Variants in CAMK2D observed in about 807,000 individuals in gnomAD.
The protein encoded by CAMK2D is calcium/calmodulin-dependent protein kinase type II subunit delta.
Under a neutral mutation model 84.0 loss-of-function variants are expected in CAMK2D, and 37 were observed. That is an observed-to-expected ratio of 0.44 (90% CI 0.34 to 0.58). The LOEUF is 0.58. CAMK2D is among the 20% of genes least tolerant of loss of function. The probability of loss-of-function intolerance (pLI) is 0.02; values close to 1 mark genes in which losing one functional copy is unlikely to be tolerated. For missense variants in CAMK2D, 448 were observed against 652.5 expected, an observed-to-expected ratio of 0.69 and a Z score of 3.41; for synonymous variants, 202 against 212.5, an observed-to-expected ratio of 0.95 and a Z score of 0.43.
rs570135424 is a variant in CAMK2D, at chr4:113,605,805, T to G, written c.275+3347A>C. On this transcript the variant is annotated intron_variant, in intron 4 of 20. Coordinates refer to ENST00000511664, the MANE Select transcript of CAMK2D (RefSeq NM_001321571.2). ...GAACCTGGACTACAGCCCCCATCAG[T>G]CAGTAATAAGATGGCACCTGCTTAC... 2.0e-3 allele frequency among the ~76,000 whole-genome samples: 307 copies of G among 152,180 alleles called. 2 individuals carry two copies. Among genetic ancestry groups the G allele is most frequent in the African/African-American group, 6.6e-3 (276 of 41,512 alleles).
chr4:113,705,080 G>T (rs891166233), intron 2 of CAMK2D, among the ~76,000 whole-genome samples: 1 of 150,890 alleles, frequency 6.6e-6, no homozygotes, highest in Non-Finnish European at 1.5e-5. Flanking sequence ...GGTGGCTCAC[G>T]CCTGTAATCC....
intron 15 of CAMK2D, among the ~76,000 whole-genome samples, chr4:113,501,938 A>AT (rs2098053660): frequency 6.6e-6 from 1 of 152,210 alleles, no homozygotes; most frequent in African/African-American, 2.4e-5. Context: ...ATTAAAGAAC[A>AT]TAACACTTCA....
intron 2 of CAMK2D, among the ~76,000 whole-genome samples, chr4:113,693,452 C>T (rs1040174425): frequency 6.6e-6 from 1 of 152,120 alleles, no homozygotes; most frequent in Non-Finnish European, 1.5e-5. Context: ...TAGCTACTCA[C>T]TTGCCAAGAC....
At chr4:113,514,901 A>AT (rs1197331060) in intron 10 of CAMK2D, among the ~76,000 whole-genome samples, 168 bp downstream of exon 10, 2 of 152,320 alleles carry the variant, frequency 1.3e-5, no homozygotes, top group African/African-American at 4.8e-5. Flanking sequence ...TGAAAATTGC[A>AT]TTTTTTCACC....
chr4:113,583,176 A>C (rs1481157195), intron 4 of CAMK2D, among the ~76,000 whole-genome samples: 1 of 152,222 alleles, frequency 6.6e-6, no homozygotes, highest in Non-Finnish European at 1.5e-5. Context: ...CACTGGTTTT[A>C]AACAAGAATT....
intron 16 of CAMK2D, among the ~76,000 whole-genome samples, chr4:113,474,448 G>A (rs1395916949): frequency 6.8e-6 from 1 of 146,782 alleles, no homozygotes; most frequent in Admixed American, 6.8e-5. Flanking sequence ...AAGAGACAAT[G>A]AGACCAATTA....
At chr4:113,730,383 T>C (rs948814499) in intron 2 of CAMK2D, among the ~76,000 whole-genome samples, 1 of 152,218 alleles carries the variant, frequency 6.6e-6, no homozygotes, top group African/African-American at 2.4e-5. Context: ...GAAAGTCTCC[T>C]GAGATGAAAT....
At chr4:113,679,119 C>T (rs1330606935) in intron 2 of CAMK2D, among the ~76,000 whole-genome samples, 2 of 151,936 alleles carry the variant, frequency 1.3e-5, no homozygotes, top group Non-Finnish European at 2.9e-5. Context: ...CCTAATGCTG[C>T]TCTGGGGTTC....
At position 113,686,885 on chromosome 4, in the gene CAMK2D, CACACAT is replaced by C. The variant is rs925153447; in HGVS notation, c.161-25119_161-25114del. ...ATACACACACACACACACACACACA[CACACAT>C]ACACTTCAAGTTGCTCAATTTTAAA... On this transcript the variant is annotated intron_variant, in intron 2 of 20. Transcript: ENST00000511664. Among the ~76,000 whole-genome samples the C allele has an allele frequency of 1.1e-4, 16 of 151,680 alleles. No homozygotes were observed. In the Middle Eastern group the frequency reaches 0.01, roughly 97 times the overall value.
At chr4:113,654,549 T>C (rs1186666243) in intron 3 of CAMK2D, among the ~76,000 whole-genome samples, 1 of 152,000 alleles carries the variant, frequency 6.6e-6, no homozygotes, top group East Asian at 1.9e-4. Context: ...GTTTATCTTA[T>C]GTGAGGGGAG....
intron 3 of CAMK2D, among the ~76,000 whole-genome samples, chr4:113,635,625 T>A (rs58060613): frequency 0.021 from 3,125 of 152,316 alleles, 119 homozygotes; most frequent in African/African-American, 0.069. Flanking sequence ...TATGTTAGTA[T>A]GTTAAATACT....
intron 4 of CAMK2D, among the ~76,000 whole-genome samples, chr4:113,575,649 A>T (rs1482331512): frequency 6.6e-6 from 1 of 152,176 alleles, no homozygotes; most frequent in Non-Finnish European, 1.5e-5. Flanking sequence ...TCAGTCAGTC[A>T]GCTCTTTATT....
chr4:113,512,772 C>A (rs1295907734), intron 12 of CAMK2D, among the ~76,000 whole-genome samples: 1 of 152,120 alleles, frequency 6.6e-6, no homozygotes, highest in Non-Finnish European at 1.5e-5. Flanking sequence ...GGGGTTTCAC[C>A]ATGTTGGCCA....
intron 3 of CAMK2D, among the ~76,000 whole-genome samples, chr4:113,659,743 C>A (rs759037567): frequency 6.6e-6 from 1 of 152,190 alleles, no homozygotes; most frequent in Non-Finnish European, 1.5e-5. Flanking sequence ...TCTTAGCAAA[C>A]CAATACAGCC....
rs1056576643 is a variant in CAMK2D, at chr4:113,629,859, C to T, written c.221-20653G>A. Reference sequence around the variant, plus strand: ...ATTATTTTATTGTGATAGCTTTCAACTCTAACTTTGGGCAGACTTACATAC... The same window carrying T: ...ATTATTTTATTGTGATAGCTTTCAATTCTAACTTTGGGCAGACTTACATAC... On this transcript the variant is annotated intron_variant, in intron 3 of 20. Transcript: ENST00000511664. Among the ~76,000 whole-genome samples the T allele has an allele frequency of 6.0e-5, 9 of 150,212 alleles. No individual in the cohort carries two copies. In the South Asian group the frequency reaches 1.5e-3, roughly 24 times the overall value.
chr4:113,643,863 T>A (rs1014836043), intron 3 of CAMK2D, among the ~76,000 whole-genome samples: 1 of 152,154 alleles, frequency 6.6e-6, no homozygotes, highest in Non-Finnish European at 1.5e-5. Context: ...CATGTTAAAC[T>A]CAAATTAAAC....
At chr4:113,462,578 A>C (rs2097400998) in intron 17 of CAMK2D, among the ~76,000 whole-genome samples, 1 of 152,112 alleles carries the variant, frequency 6.6e-6, no homozygotes, top group Admixed American at 6.6e-5. Flanking sequence ...CCAGATTATA[A>C]GTCTCCATAG....
chr4:113,675,358 C>T (rs1264992768), intron 2 of CAMK2D, among the ~76,000 whole-genome samples: 2 of 152,172 alleles, frequency 1.3e-5, no homozygotes, highest in Non-Finnish European at 2.9e-5. Flanking sequence ...TCATAACTTA[C>T]ATACTTTCAT....
intron 2 of CAMK2D, among the ~76,000 whole-genome samples, chr4:113,708,101 C>G (rs994140283): frequency 6.6e-6 from 1 of 152,264 alleles, no homozygotes; most frequent in South Asian, 2.1e-4. Flanking sequence ...AGTCCCTTCT[C>G]CAGTCTGTAA....
Sources: gnomAD v4.1 joint callset for allele counts (sites outside exome capture counted in the v4.1 genomes callset) on GRCh38, gnomAD v4.1.1 for gene constraint, MANE v1.5 for transcripts, NCBI Gene and HGNC (gene_info 2026-07-23, HGNC 2026-07-21) for gene names.